Variants in IL1RAP observed in about 807,000 individuals in gnomAD.
IL1RAP encodes interleukin 1 receptor accessory protein, also known as interleukin-1 receptor accessory protein.
Under a neutral mutation model 60.7 loss-of-function variants are expected in IL1RAP, and 35 were observed. The ratio of observed to expected loss-of-function variants is 0.58; its 90% CI spans 0.44 to 0.76. IL1RAP has a LOEUF of 0.76. Ranked by LOEUF, IL1RAP falls within the 30% of genes least tolerant of loss-of-function variation. The pLI is 0.00. For synonymous variants in IL1RAP, 268 were observed against 250.9 expected, an observed-to-expected ratio of 1.07 and a Z score of -0.64; for missense variants, 572 against 693.9, an observed-to-expected ratio of 0.82 and a Z score of 1.97.
intron 6 of IL1RAP, among the ~76,000 whole-genome samples, chr3:190,622,070 G>A (rs1451433911): frequency 6.6e-6 from 1 of 152,126 alleles, no homozygotes; most frequent in East Asian, 1.9e-4. Context: ...ACTCATTAAT[G>A]TAATACTTAT....
At chr3:190,653,974 C>G (rs1477275261), downstream of IL1RAP, among the ~76,000 whole-genome samples, 1 of 152,058 alleles carries the variant, frequency 6.6e-6, no homozygotes. Context: ...GTCTAAAATT[C>G]CGCCACTCTT....
At chr3:190,545,026 T>C (rs1724249559) in intron 1 of IL1RAP, among the ~76,000 whole-genome samples, 1 of 152,178 alleles carries the variant, frequency 6.6e-6, no homozygotes, top group Non-Finnish European at 1.5e-5. Flanking sequence ...AGTAGGTACA[T>C]TTATTAGGAC....
At chr3:190,611,921 C>A (rs185715514) in intron 5 of IL1RAP, among the ~76,000 whole-genome samples, 1 of 152,002 alleles carries the variant, frequency 6.6e-6, no homozygotes, top group African/African-American at 2.4e-5. Context: ...TTAGTTGGAT[C>A]TTTTTCATTT....
At chr3:190,644,942 A>T (rs1733909632) in intron 10 of IL1RAP, among the ~76,000 whole-genome samples, 1 of 152,182 alleles carries the variant, frequency 6.6e-6, no homozygotes, top group African/African-American at 2.4e-5. Flanking sequence ...TTGTACTCAG[A>T]TAGAGATCTG....
chr3:190,592,791 G>C (rs1560196536), intron 3 of IL1RAP, among the ~76,000 whole-genome samples: 1 of 152,140 alleles, frequency 6.6e-6, no homozygotes, highest in Non-Finnish European at 1.5e-5. Context: ...AAACTTCGTA[G>C]GATTGGTTGT....
At chr3:190,653,975 C>T (rs371282913), downstream of IL1RAP, among the ~76,000 whole-genome samples, 2 of 152,000 alleles carry the variant, frequency 1.3e-5, no homozygotes, top group Non-Finnish European at 2.9e-5. Context: ...TCTAAAATTC[C>T]GCCACTCTTA....
intron 3 of IL1RAP, among the ~76,000 whole-genome samples, chr3:190,571,645 C>T (rs1056959200): frequency 1.3e-5 from 2 of 152,076 alleles, no homozygotes; most frequent in African/African-American, 4.8e-5. Flanking sequence ...TGTGGAATGA[C>T]TAAATCTAGC....
intron 3 of IL1RAP, among the ~76,000 whole-genome samples, chr3:190,570,114 C>T (rs1401972273): frequency 6.6e-6 from 1 of 152,176 alleles, no homozygotes. Context: ...ACAATGATTG[C>T]TTTATTTTTA....
chr3:190,645,508 A>G (rs1334485070), intron 10 of IL1RAP, among the ~76,000 whole-genome samples, 191 bp from the exon 11 acceptor site: 5 of 152,228 alleles, frequency 3.3e-5, no homozygotes, highest in Admixed American at 2.6e-4. Context: ...AGAGTTGAGG[A>G]TATATCAGAT....
Position 190,604,314 on chromosome 3 carries a change from A to T in IL1RAP, c.251A>T (p.Asn84Ile). 6.2e-7 allele frequency: 1 copy of T among 1,613,794 alleles called. No individual in the cohort carries two copies. Among genetic ancestry groups the T allele is most frequent in the Non-Finnish European group, 8.5e-7 (1 of 1,179,946 alleles). ...GACCGGGACCTTGAGGAGCCAATTAACTTCCGCCTCCCCGAGAACCGCATT... is the reference window on the plus strand; with the variant it reads ...GACCGGGACCTTGAGGAGCCAATTATCTTCCGCCTCCCCGAGAACCGCATT... Reference protein sequence around the residue: ...RQDRDLEEPINFRLPENRISK... With the variant: ...RQDRDLEEPIIFRLPENRISK... Residue 84 changes from asparagine (N) to isoleucine (I), a missense_variant, in exon 4 of 12, where the codon AAC becomes ATC. Asn to Ile is a moderately radical substitution (Grantham distance 149). Transcript: ENST00000447382.
At chr3:190,609,364 C>T (rs1285549111) in intron 5 of IL1RAP, among the ~76,000 whole-genome samples, 183 bp downstream of exon 5, 1 of 152,178 alleles carries the variant, frequency 6.6e-6, no homozygotes, top group Non-Finnish European at 1.5e-5. Flanking sequence ...AAGTGGTGCA[C>T]AGTACTTTGT....
At chr3:190,531,076 G>A (rs1485394056) in intron 1 of IL1RAP, among the ~76,000 whole-genome samples, 1 of 152,076 alleles carries the variant, frequency 6.6e-6, no homozygotes, top group Non-Finnish European at 1.5e-5. Context: ...CTTTGTTCAT[G>A]CTGTGTCCTT....
Position 190,573,056 on chromosome 3 carries a change from G to T in IL1RAP, c.64+8703G>T, listed in dbSNP as rs1489486037. ...TTTTTTGTATTTTTAGTAGAGACGG[G>T]GTTTCACCGTTTTAGCCGGGATGGT... On this transcript the variant is annotated intron_variant, in intron 3 of 11. Coordinates refer to ENST00000447382, the MANE Select transcript of IL1RAP (RefSeq NM_002182.4). 6.9e-5 allele frequency among the ~76,000 whole-genome samples: 3 copies of T among 43,482 alleles called. No individual in the cohort carries two copies. The East Asian group carries it at 1.2e-3, about 17-fold the overall frequency. The allele number at this position is 43,482 out of a possible 152,430, so 28.5% of individuals were successfully genotyped here. A position where few individuals can be genotyped will look rare whatever the true frequency, so the allele number is the denominator to read the frequency against.
chr3:190,595,205 C>G (rs982171403), intron 3 of IL1RAP, among the ~76,000 whole-genome samples: 1 of 152,132 alleles, frequency 6.6e-6, no homozygotes, highest in Non-Finnish European at 1.5e-5. Context: ...TCCCAAGCAC[C>G]CATTTAGTAT....
intron 2 of IL1RAP, 71 bp from the exon 3 acceptor site, chr3:190,564,218 T>C: frequency 2.1e-6 from 2 of 942,296 alleles, no homozygotes; most frequent in Admixed American, 1.7e-5. Context: ...CAGGCATGAA[T>C]GCTAGTTATT....
rs142023818 is a variant in IL1RAP, at chr3:190,649,545, G to T, written c.*840G>T. On this transcript the variant is annotated 3_prime_UTR_variant, in exon 12 of 12. Coordinates refer to ENST00000447382, the MANE Select transcript of IL1RAP (RefSeq NM_002182.4). ...GCTATAGAGAGGGAGGTAACAGAAA[G>T]ACTCTTTTAGGGCATTTTTCTGACT... The T allele has an allele frequency of 7.7e-5, 76 of 985,788 alleles. No homozygotes were observed. The African/African-American group carries it at 1.3e-3, about 17-fold the overall frequency. The allele number at this position is 985,788 out of a possible 1,614,324, so 61.1% of individuals were successfully genotyped here. A position where few individuals can be genotyped will look rare whatever the true frequency, so the allele number is the denominator to read the frequency against.
chr3:190,615,265 AC>A (rs1284410245), intron 5 of IL1RAP: 1 of 1,220,242 alleles, frequency 8.2e-7, no homozygotes, highest in South Asian at 1.3e-5. Context: ...GGCTTATAAA[AC>A]AAATTCTGAA....
At chr3:190,629,540 A>C (rs1298092318) in intron 9 of IL1RAP, 42 bp downstream of exon 9, 1 of 1,571,846 alleles carries the variant, frequency 6.4e-7, no homozygotes, top group Non-Finnish European at 8.6e-7. Flanking sequence ...GCTCCAAATT[A>C]ACATTGTGGT....
chr3:190,647,802 G>A (rs545201507), intron 11 of IL1RAP, among the ~76,000 whole-genome samples: 8 of 152,172 alleles, frequency 5.3e-5, no homozygotes, highest in African/African-American at 1.9e-4. Context: ...CAATAGAGAG[G>A]GACTTTCAGA....
Sources: gnomAD v4.1 joint callset for allele counts (sites outside exome capture counted in the v4.1 genomes callset) on GRCh38, gnomAD v4.1.1 for gene constraint, MANE v1.5 for transcripts, NCBI Gene and HGNC (gene_info 2026-07-23, HGNC 2026-07-21) for gene names.